Variants in ATP6V0D1 observed in about 807,000 individuals in gnomAD.
The protein encoded by ATP6V0D1 is ATPase H+ transporting V0 subunit d1.
A neutral mutation model predicts 39.0 loss-of-function variants in ATP6V0D1; 13 were observed. That is an observed-to-expected ratio of 0.33 (90% CI 0.22 to 0.53). The LOEUF is 0.53. ATP6V0D1 is among the 20% of genes least tolerant of loss of function. ATP6V0D1 has a pLI of 0.94. For synonymous variants in ATP6V0D1, 191 were observed against 191.2 expected (o/e 1.00, Z 0.01); for missense variants, 272 against 470.9 (o/e 0.58, Z 3.91).
Position 67,466,884 on chromosome 16 carries a change from G to A in ATP6V0D1, c.131-13169C>T, listed in dbSNP as rs747498499. 9.9e-5 allele frequency among the ~76,000 whole-genome samples: 15 copies of A among 152,280 alleles called. 1 individual carries two copies. In the East Asian group the frequency reaches 1.5e-3, roughly 16 times the overall value. On this transcript the variant is annotated intron_variant, in intron 1 of 7. Coordinates refer to ENST00000290949, the MANE Select transcript of ATP6V0D1 (RefSeq NM_004691.5). ...ACCGGAGACCACACAGACCTGAGTC[G>A]GTCATAAGGAACTGGTCTGTCTTGC... is the stretch of plus-strand genomic sequence containing the variant.
intron 2 of ATP6V0D1, among the ~76,000 whole-genome samples, chr16:67,451,115 G>A (rs1166247957): frequency 6.6e-6 from 1 of 152,204 alleles, no homozygotes; most frequent in African/African-American, 2.4e-5. Flanking sequence ...GGCTGGCTAA[G>A]AGGGTGAGCA....
At chr16:67,446,814 C>T (rs565881624) in intron 2 of ATP6V0D1, among the ~76,000 whole-genome samples, 17 of 152,248 alleles carry the variant, frequency 1.1e-4, no homozygotes, top group Admixed American at 7.8e-4. Context: ...CCCTTTCGGA[C>T]GGGAAGAGGG....
intron 1 of ATP6V0D1, among the ~76,000 whole-genome samples, chr16:67,463,596 AG>A (rs1455989097): frequency 6.6e-6 from 1 of 151,946 alleles, no homozygotes; most frequent in African/African-American, 2.4e-5. Context: ...AGAAAGAAAA[AG>A]AAAAAAGAAG....
At chr16:67,452,489 G>A in intron 2 of ATP6V0D1, 4 of 1,266,676 alleles carry the variant, frequency 3.2e-6, no homozygotes, top group Non-Finnish European at 4.4e-6. Context: ...AGGGACAAGT[G>A]GGGCAGGTGT....
chr16:67,457,428 G>A, intron 1 of ATP6V0D1: 1 of 495,302 alleles, frequency 2.0e-6, no homozygotes, highest in Non-Finnish European at 3.4e-6. Flanking sequence ...CCCAGGACAG[G>A]CTTTTCAGAT....
intron 4 of ATP6V0D1, chr16:67,439,758 A>C (rs888005347): frequency 5.4e-5 from 13 of 242,666 alleles, no homozygotes; most frequent in Non-Finnish European, 9.8e-5. Flanking sequence ...GCAGTGGCTC[A>C]CGCCTGTAAT....
rs1312906799 is a variant in ATP6V0D1 at position 67,444,218 on chromosome 16, C to G, written c.481+310G>C. 6.6e-6 allele frequency among the ~76,000 whole-genome samples: 1 copy of G among 152,230 alleles called. No individual in the cohort carries two copies. Among genetic ancestry groups the G allele is most frequent in the Non-Finnish European group, 1.5e-5 (1 of 68,036 alleles). Reference sequence around the variant, plus strand: ...TCGGGACTCCAAGGGACTTGGGCCTCTCTCACTCTTCTCCATGAGCTCAGC... The same window carrying G: ...TCGGGACTCCAAGGGACTTGGGCCTGTCTCACTCTTCTCCATGAGCTCAGC... On this transcript the variant is annotated intron_variant, in intron 3 of 7. Coordinates refer to ENST00000290949, the MANE Select transcript of ATP6V0D1 (RefSeq NM_004691.5). The surrounding 1 kb of genome is among the most constrained non-coding windows in gnomAD (Gnocchi z 4.8).
Position 67,443,087 on chromosome 16 carries a change from G to C in ATP6V0D1, c.561+12C>G. The C allele has an allele frequency of 6.2e-7, 1 of 1,613,074 alleles. No individual in the cohort carries two copies. The highest frequency in any genetic ancestry group is 8.5e-7 in the Non-Finnish European group (1 of 1,179,704). ...GACAGGCCAATCCCCCATGGCTTGT[G>C]TGGGGCATTACCTTGTAGAGGGTGT... On this transcript the variant is annotated intron_variant, in intron 4 of 7. Transcript: ENST00000290949.
intron 1 of ATP6V0D1, among the ~76,000 whole-genome samples, chr16:67,473,570 C>T (rs1167587993): frequency 6.6e-6 from 1 of 152,204 alleles, no homozygotes; most frequent in East Asian, 1.9e-4. Context: ...GTCGCCCAGG[C>T]TGGAGTGCAG....
chr16:67,480,973 C>A lies in ATP6V0D1; in HGVS notation c.114G>T (p.Gln38His). The A allele has an allele frequency of 6.2e-7, 1 of 1,614,160 alleles. No homozygotes were observed. Among genetic ancestry groups the A allele is most frequent in the Non-Finnish European group, 8.5e-7 (1 of 1,179,992 alleles). Residue 38 changes from glutamine (Q) to histidine (H), a missense_variant, in exon 1 of 8, where the codon CAG becomes CAT. Physicochemically the swap from Gln to His is conservative, Grantham distance 24 (BLOSUM62 0). This residue lies in a region of ATP6V0D1 where 81 missense variants were observed against 96.0 expected (regional missense o/e 0.84). Coordinates refer to ENST00000290949, the MANE Select transcript of ATP6V0D1 (RefSeq NM_004691.5). The stretch of plus-strand genomic sequence containing the variant: ...CCGGCTCACCCTCTAGCGTCTCGCA[C>A]TGCACCAGGTTGAGGTAGTCGGCCT... The part of the protein sequence containing the change: ...LSQADYLNLV[Q>H]CETLEDLKLH...
At position 67,444,612 on chromosome 16, in the gene ATP6V0D1, C is replaced by A; in HGVS notation, c.397G>T (p.Gly133Cys). The stretch of plus-strand genomic sequence containing the variant: ...ACGGCCTCCATCTGCTCGAAGCTGC[C>A]TAGTGGGTGGCACTTGGGCACGAGC... The part of the protein sequence containing the change: ...AELVPKCHPL[G>C]SFEQMEAVNI... The change falls in exon 3 of 8, where the codon GGC becomes TGC. Residue 133 changes from glycine to cysteine, a missense_variant. Transcript: ENST00000290949. The surrounding 1 kb of genome is among the most constrained non-coding windows in gnomAD (Gnocchi z 4.8). 1 of 1,613,616 alleles carries A rather than the reference C, an allele frequency of 6.2e-7. No individual in the cohort carries two copies. Among genetic ancestry groups the A allele is most frequent in the Non-Finnish European group, 8.5e-7 (1 of 1,179,710 alleles).
At position 67,438,271 on chromosome 16, in the gene ATP6V0D1, G is replaced by A. The variant is rs1411119332; in HGVS notation, c.*257C>T. On this transcript the variant is annotated 3_prime_UTR_variant, in exon 8 of 8. Transcript: ENST00000290949. Reference sequence around the variant, plus strand: ...ATACATCAGCGGCTGTAACCACAGGGCTGAGGGGGCCTCCTTGCTCTGGAG... The same window carrying A: ...ATACATCAGCGGCTGTAACCACAGGACTGAGGGGGCCTCCTTGCTCTGGAG... 1 of 542,924 alleles carries A rather than the reference G, an allele frequency of 1.8e-6. No homozygotes were observed. Among genetic ancestry groups the A allele is most frequent in the Non-Finnish European group, 3.3e-6 (1 of 303,434 alleles). 33.6% of individuals were successfully genotyped at this position (542,924 alleles called of 1,614,324 possible). A position where few individuals can be genotyped will look rare whatever the true frequency, so the allele number is the denominator to read the frequency against.
intron 1 of ATP6V0D1, chr16:67,455,148 C>G (rs543061845): frequency 1.3e-5 from 2 of 152,324 alleles, no homozygotes; most frequent in East Asian, 3.9e-4. Flanking sequence ...GGGGAGGCTG[C>G]CCAGGGGATC....
At chr16:67,459,645 G>A (rs1463761713) in intron 1 of ATP6V0D1, among the ~76,000 whole-genome samples, 1 of 152,252 alleles carries the variant, frequency 6.6e-6, no homozygotes, top group Non-Finnish European at 1.5e-5. Context: ...GGGCAGCCCT[G>A]CCCCCGCCCA....
chr16:67,448,730 A>T (rs2041145421), intron 2 of ATP6V0D1, among the ~76,000 whole-genome samples: 1 of 151,394 alleles, frequency 6.6e-6, no homozygotes, highest in Non-Finnish European at 1.5e-5. Context: ...TAACCTGCTC[A>T]TAAAAGTCCT....
Position 67,456,271 on chromosome 16 carries a change from A to G in ATP6V0D1, c.131-2556T>C, listed in dbSNP as rs2041236939. 1 of 152,186 alleles carries G rather than the reference A, an allele frequency of 6.6e-6. No homozygotes were observed. Among genetic ancestry groups the G allele is most frequent in the African/African-American group, 2.4e-5 (1 of 41,426 alleles). 9.4% of individuals were successfully genotyped at this position (152,186 alleles called of 1,614,324 possible). On this transcript the variant is annotated intron_variant, in intron 1 of 7. Coordinates refer to ENST00000290949, the MANE Select transcript of ATP6V0D1 (RefSeq NM_004691.5). The surrounding 1 kb of genome is among the most constrained non-coding windows in gnomAD (Gnocchi z 4.1). ...CTCAGCCTCCCAAAGTGCTGCGATT[A>G]CAGGCGTGAACCACGTGTGCAAGTC... is the stretch of plus-strand genomic sequence containing the variant.
At chr16:67,464,192 G>A (rs761032695) in intron 1 of ATP6V0D1, among the ~76,000 whole-genome samples, 4 of 152,204 alleles carry the variant, frequency 2.6e-5, no homozygotes, top group Non-Finnish European at 5.9e-5. Flanking sequence ...ATGTGGCAAG[G>A]CCTGAGGAAA....
chr16:67,467,936 G>C (rs1464164836), intron 1 of ATP6V0D1, among the ~76,000 whole-genome samples: 1 of 152,214 alleles, frequency 6.6e-6, no homozygotes, highest in African/African-American at 2.4e-5. Context: ...AGCAGGAAGA[G>C]TGAATGGGTG....
intron 1 of ATP6V0D1, among the ~76,000 whole-genome samples, chr16:67,462,478 G>A (rs2041296204): frequency 6.6e-6 from 1 of 152,248 alleles, no homozygotes; most frequent in Admixed American, 6.5e-5. Context: ...GTCTGGCCTG[G>A]CCAGATGCCA....
Sources: allele counts gnomAD v4.1 joint callset (sites outside exome capture counted in the v4.1 genomes callset), GRCh38; gene constraint gnomAD v4.1.1; regional missense constraint gnomAD v4.1.1; non-coding constraint Gnocchi (gnomAD v3.1); transcripts MANE v1.5; gene names NCBI Gene and HGNC (gene_info 2026-07-23, HGNC 2026-07-21).